The following HPSE2 variants were observed in gnomAD, a reference collection of about 807,000 sequenced individuals.
HPSE2 encodes the protein heparanase 2 (inactive).
In HPSE2, 38 loss-of-function variants were observed where a neutral mutation model predicts 60.5. The ratio of observed to expected loss-of-function variants is 0.63; its 90% CI spans 0.48 to 0.82. The LOEUF is 0.82. Among genes scored for constraint, HPSE2 ranks in the 40% least tolerant of loss-of-function variants. HPSE2 has a pLI of 0.00. For missense variants in HPSE2, 713 were observed against 740.4 expected (o/e 0.96, Z 0.43); for synonymous variants, 295 against 293.2 (o/e 1.01, Z -0.06).
At chr10:99,096,277 G>A (rs1843715307) in intron 3 of HPSE2, among the ~76,000 whole-genome samples, 2 of 152,038 alleles carry the variant, frequency 1.3e-5, no homozygotes, top group African/African-American at 4.8e-5. Flanking sequence ...TTAAAATGTG[G>A]TTGTTTTCTT....
intron 3 of HPSE2, among the ~76,000 whole-genome samples, chr10:99,048,998 T>C (rs950116599): frequency 1.3e-5 from 2 of 152,110 alleles, no homozygotes; most frequent in Admixed American, 1.3e-4. Context: ...AAGAACCATA[T>C]ATTTTCACTT....
intron 3 of HPSE2, among the ~76,000 whole-genome samples, chr10:98,959,019 AG>A (rs1955580632): frequency 6.6e-6 from 1 of 152,134 alleles, no homozygotes; most frequent in Non-Finnish European, 1.5e-5. Flanking sequence ...TGATGTTAAG[AG>A]CAGAGATAAT....
At chr10:98,698,365 C>G (rs893244860) in intron 5 of HPSE2, among the ~76,000 whole-genome samples, 8 of 151,156 alleles carry the variant, frequency 5.3e-5, no homozygotes, top group African/African-American at 2.0e-4. Context: ...TACATGGAAA[C>G]TGAACAACCT....
intron 2 of HPSE2, among the ~76,000 whole-genome samples, chr10:99,153,746 G>T (rs1468030449): frequency 3.2e-4 from 48 of 152,354 alleles, no homozygotes; most frequent in Non-Finnish European, 1.5e-5. Flanking sequence ...AACAAAGCTG[G>T]ACGGAGAATG....
intron 9 of HPSE2, among the ~76,000 whole-genome samples, chr10:98,515,463 G>T (rs145632028): frequency 2.2e-4 from 34 of 152,194 alleles, no homozygotes; most frequent in African/African-American, 8.2e-4. Context: ...TGGATACTTT[G>T]TAGTCACTAG....
intron 2 of HPSE2, among the ~76,000 whole-genome samples, chr10:99,147,340 G>A (rs532397203): frequency 6.6e-6 from 1 of 152,316 alleles, no homozygotes; most frequent in South Asian, 2.1e-4. Context: ...TGTTCGTGTG[G>A]AAAAGAAATA....
At chr10:98,685,243 T>C (rs1947883440) in intron 6 of HPSE2, among the ~76,000 whole-genome samples, 2 of 152,186 alleles carry the variant, frequency 1.3e-5, no homozygotes, top group Admixed American at 1.3e-4. Flanking sequence ...TAATCAGAGT[T>C]TAATATCTAT....
chr10:98,501,891 T>C (rs58685520), intron 9 of HPSE2, among the ~76,000 whole-genome samples: 39,642 of 151,858 alleles, frequency 0.26, 5,815 homozygotes, highest in East Asian at 0.42. Context: ...GTAGCTCTTC[T>C]ATACACCAAC....
chr10:99,159,655 A>C (rs1461057332), intron 2 of HPSE2, among the ~76,000 whole-genome samples: 1 of 152,184 alleles, frequency 6.6e-6, no homozygotes, highest in Non-Finnish European at 1.5e-5. Flanking sequence ...ACAAAAGAAA[A>C]GCCTCAAAAT....
At chr10:99,191,071 A>G (rs1327402719) in intron 2 of HPSE2, among the ~76,000 whole-genome samples, 1 of 152,028 alleles carries the variant, frequency 6.6e-6, no homozygotes, top group Non-Finnish European at 1.5e-5. Flanking sequence ...AAGGGGAAGG[A>G]CTTTGTCTTG....
chr10:99,204,303 G>T (rs1027322087), intron 2 of HPSE2, among the ~76,000 whole-genome samples: 3 of 152,188 alleles, frequency 2.0e-5, no homozygotes, highest in African/African-American at 7.2e-5. Flanking sequence ...CACACCTGCT[G>T]ACTCAGGAAC....
At chr10:99,017,861 C>T (rs1222561684) in intron 3 of HPSE2, among the ~76,000 whole-genome samples, 3 of 152,098 alleles carry the variant, frequency 2.0e-5, no homozygotes, top group Non-Finnish European at 4.4e-5. Context: ...TACTTCATGC[C>T]AGGCACCATG....
At chr10:98,711,940 T>C (rs79006654) in intron 5 of HPSE2, among the ~76,000 whole-genome samples, 2,193 of 152,198 alleles carry the variant, frequency 0.014, 56 homozygotes, top group African/African-American at 0.049. Flanking sequence ...GCTGCATGCA[T>C]AGCAATCCCT....
intron 3 of HPSE2, among the ~76,000 whole-genome samples, chr10:98,836,109 T>C (rs1037639526): frequency 2.7e-4 from 41 of 152,204 alleles, no homozygotes; most frequent in African/African-American, 9.7e-4. Flanking sequence ...GCAATATGCT[T>C]TTTGTTTCTG....
intron 9 of HPSE2, among the ~76,000 whole-genome samples, chr10:98,562,681 C>G (rs1160141824): frequency 6.8e-6 from 1 of 147,066 alleles, no homozygotes; most frequent in African/African-American, 2.5e-5. Context: ...CACCACTGCA[C>G]TCCAGCCTGG....
chr10:98,885,822 T>C (rs1409784336), intron 3 of HPSE2, among the ~76,000 whole-genome samples: 1 of 152,152 alleles, frequency 6.6e-6, no homozygotes, highest in African/African-American at 2.4e-5. Flanking sequence ...TATTGAGATA[T>C]TCACTTTATT....
the HPSE2 span, among the ~76,000 whole-genome samples, chr10:99,282,871 T>C: frequency 3.3e-5 from 5 of 152,142 alleles, no homozygotes; most frequent in Non-Finnish European, 7.3e-5. Flanking sequence ...GGGAAATTTA[T>C]AGCTATAAAT....
chr10:98,530,216 G>C (rs1295599097), intron 9 of HPSE2, among the ~76,000 whole-genome samples: 4 of 152,188 alleles, frequency 2.6e-5, no homozygotes, highest in Non-Finnish European at 5.9e-5. Context: ...GCTCTCTCCT[G>C]CTCAAAGGTA....
intron 6 of HPSE2, among the ~76,000 whole-genome samples, chr10:98,679,814 C>T (rs543403643): frequency 6.6e-6 from 1 of 151,976 alleles, no homozygotes; most frequent in East Asian, 1.9e-4. Flanking sequence ...GCCTCAGTGT[C>T]CTGTGTAGCT....
Sources: allele counts gnomAD v4.1 joint callset (sites outside exome capture counted in the v4.1 genomes callset), GRCh38; gene constraint gnomAD v4.1.1; transcripts MANE v1.5; gene names NCBI Gene and HGNC (gene_info 2026-07-23, HGNC 2026-07-21).